Variants in DTNB observed in about 807,000 individuals in gnomAD.
The protein encoded by DTNB is dystrobrevin beta.
Under a neutral mutation model 90.7 loss-of-function variants are expected in DTNB, and 63 were observed. The ratio of observed to expected loss-of-function variants is 0.69; its 90% confidence interval spans 0.57 to 0.86. The LOEUF (loss-of-function observed/expected upper bound fraction) is 0.86, where lower values mean the gene tolerates loss of function less well. Among genes scored for constraint, DTNB ranks in the 40% least tolerant of loss-of-function variants. DTNB has a pLI of 0.00. For missense variants in DTNB, 744 were observed against 807.1 expected (o/e 0.92, Z 0.95); for synonymous variants, 277 against 286.7 (o/e 0.97, Z 0.34).
At chr2:25,470,960 C>T (rs1176769405) in intron 10 of DTNB, among the ~76,000 whole-genome samples, 4 of 152,190 alleles carry the variant, frequency 2.6e-5, no homozygotes, top group African/African-American at 7.2e-5. Context: ...AGGACACTCC[C>T]CATCTGGATT....
chr2:25,430,445 C>T (rs1038690726), intron 14 of DTNB, among the ~76,000 whole-genome samples: 2 of 151,648 alleles, frequency 1.3e-5, no homozygotes, highest in Non-Finnish European at 2.9e-5. Context: ...TGTGACCAAA[C>T]AATTACGGTA....
At chr2:25,526,508 G>A (rs994430411) in intron 9 of DTNB, among the ~76,000 whole-genome samples, 3 of 150,520 alleles carry the variant, frequency 2.0e-5, no homozygotes, top group African/African-American at 7.4e-5. Flanking sequence ...TGAGTCTTCT[G>A]CCTCAGCCTC....
At chr2:25,502,299 A>G (rs2070930679) in intron 9 of DTNB, among the ~76,000 whole-genome samples, 1 of 152,248 alleles carries the variant, frequency 6.6e-6, no homozygotes, top group South Asian at 2.1e-4. Context: ...TGCCATCAGC[A>G]AAACTGATTA....
intron 8 of DTNB, among the ~76,000 whole-genome samples, chr2:25,572,484 C>A (rs1216545763): frequency 6.8e-6 from 1 of 148,012 alleles, no homozygotes. Flanking sequence ...AAAAAAAAAA[C>A]TATCTGCACC....
At chr2:25,503,455 T>G (rs2071390239) in intron 9 of DTNB, among the ~76,000 whole-genome samples, 1 of 152,026 alleles carries the variant, frequency 6.6e-6, no homozygotes. Context: ...ATTGTGTCAC[T>G]GCACTCCAGC....
chr2:25,523,035 G>A (rs1360563422), intron 9 of DTNB, among the ~76,000 whole-genome samples: 1 of 152,014 alleles, frequency 6.6e-6, no homozygotes, highest in Non-Finnish European at 1.5e-5. Flanking sequence ...GTCAGACTTC[G>A]ATTTGTACTA....
chr2:25,617,299 A>C (rs2071023984), intron 4 of DTNB, among the ~76,000 whole-genome samples: 1 of 152,250 alleles, frequency 6.6e-6, no homozygotes, highest in Non-Finnish European at 1.5e-5. Flanking sequence ...TCTGAGATTA[A>C]GGATCATAGT....
Position 25,387,383 on chromosome 2 carries a change from G to A in DTNB, c.1736-5C>T. On this transcript the variant is annotated splice_region_variant and splice_polypyrimidine_tract_variant and intron_variant, in intron 17 of 20. Coordinates refer to ENST00000406818, the MANE Select transcript of DTNB (RefSeq NM_021907.5). This position sits in a 1 kb window ranked among gnomAD's most constrained non-coding sequence, Gnocchi z 4.5. ...TGCGGAGGTTTCTCCTCGTACCTGA[G>A]GAGAGGCAGAGCAGATGGGGATGCC... 6.2e-7 allele frequency: 1 copy of A among 1,611,006 alleles called. No individual in the cohort carries two copies. Among genetic ancestry groups the A allele is most frequent in the Non-Finnish European group, 8.5e-7 (1 of 1,178,106 alleles).
chr2:25,645,356 A>C (rs1573962589), intron 2 of DTNB, among the ~76,000 whole-genome samples: 1 of 123,442 alleles, frequency 8.1e-6, no homozygotes, highest in African/African-American at 2.7e-5. Flanking sequence ...AGACTCCATC[A>C]CAAAAAAAAA....
chr2:25,518,912 G>T (rs1332704965), intron 9 of DTNB, among the ~76,000 whole-genome samples: 2 of 152,106 alleles, frequency 1.3e-5, no homozygotes, highest in East Asian at 3.8e-4. Flanking sequence ...AAGAGTATCA[G>T]ATGAGCTGTG....
chr2:25,561,425 ATG>A (rs1177061065), intron 8 of DTNB, among the ~76,000 whole-genome samples: 1 of 152,214 alleles, frequency 6.6e-6, no homozygotes, highest in Non-Finnish European at 1.5e-5. Context: ...GTCAGTTTAA[ATG>A]TCACTACCTC....
At chr2:25,415,274 T>C (rs2047620484) in intron 16 of DTNB, among the ~76,000 whole-genome samples, 1 of 138,942 alleles carries the variant, frequency 7.2e-6, no homozygotes, top group South Asian at 2.3e-4. Flanking sequence ...TGAGACAGAG[T>C]CTCGCTCCGT....
At chr2:25,404,931 T>A (rs1219544747) in intron 16 of DTNB, among the ~76,000 whole-genome samples, 4 of 151,906 alleles carry the variant, frequency 2.6e-5, no homozygotes, top group African/African-American at 9.7e-5. Flanking sequence ...ACCATTATTA[T>A]TTTTTTTGTT....
intron 9 of DTNB, among the ~76,000 whole-genome samples, chr2:25,521,480 C>T (rs1292383690): frequency 6.6e-6 from 1 of 151,528 alleles, no homozygotes; most frequent in Non-Finnish European, 1.5e-5. Flanking sequence ...GCCTCCCAGG[C>T]TCAAGCAATC....
rs146153018 is a variant in DTNB at position 25,377,322 on chromosome 2, T to G, written c.*261A>C. 1,111 of 152,962 alleles carry G rather than the reference T, an allele frequency of 7.3e-3. 9 individuals are homozygous for G. The highest frequency in any genetic ancestry group is 0.012 in the Non-Finnish European group (841 of 68,100). The allele number at this position is 152,962 out of a possible 1,614,324, so 9.5% of individuals were successfully genotyped here. ...TGAGACCATGCCCTGAGGGGAGTGA[T>G]GAAGGTGCTAGTACATGCAGGGCTG... On this transcript the variant is annotated 3_prime_UTR_variant, in exon 21 of 21. Coordinates refer to ENST00000406818, the MANE Select transcript of DTNB (RefSeq NM_021907.5).
intron 8 of DTNB, among the ~76,000 whole-genome samples, chr2:25,573,254 G>T (rs1372147683): frequency 2.0e-5 from 3 of 152,070 alleles, no homozygotes; most frequent in Non-Finnish European, 2.9e-5. Flanking sequence ...CCCACTTGGG[G>T]AACTTTTAAA....
chr2:25,533,091 A>G (rs1368921935), intron 8 of DTNB, among the ~76,000 whole-genome samples: 1 of 152,190 alleles, frequency 6.6e-6, no homozygotes, highest in Non-Finnish European at 1.5e-5. Flanking sequence ...TGGGAGGCAG[A>G]GGCGGGTGCA....
At chr2:25,582,651 C>A (rs960415390) in intron 6 of DTNB, among the ~76,000 whole-genome samples, 1 of 152,108 alleles carries the variant, frequency 6.6e-6, no homozygotes, top group African/African-American at 2.4e-5. Context: ...CTGAGAACTA[C>A]GCAAAAGGGC....
intron 1 of DTNB, among the ~76,000 whole-genome samples, chr2:25,672,117 T>C (rs1329333125): frequency 1.4e-5 from 2 of 143,426 alleles, no homozygotes; most frequent in East Asian, 4.1e-4. Flanking sequence ...GGGAAAGTGG[T>C]AGCATGGCCA....
Sources: gnomAD v4.1 joint callset for allele counts (sites outside exome capture counted in the v4.1 genomes callset) on GRCh38, gnomAD v4.1.1 for gene constraint, Gnocchi (gnomAD v3.1) non-coding constraint, MANE v1.5 for transcripts, NCBI Gene and HGNC (gene_info 2026-07-23, HGNC 2026-07-21) for gene names.